FAP: variants seen among roughly 807,000 people sequenced by gnomAD.
FAP encodes the protein fibroblast activation protein alpha.
A neutral mutation model predicts 126.5 loss-of-function variants in FAP; 110 were observed. The ratio of observed to expected loss-of-function variants is 0.87; its 90% CI spans 0.74 to 1.02. The LOEUF (loss-of-function observed/expected upper bound fraction) is 1.02. Ranked by LOEUF, FAP falls within the 50% of genes least tolerant of loss-of-function variation. FAP has a pLI of 0.00. For synonymous variants in FAP, 334 were observed against 297.3 expected (o/e 1.12, Z -1.27); for missense variants, 919 against 909.2 (o/e 1.01, Z -0.14).
intron 11 of FAP, among the ~76,000 whole-genome samples, chr2:162,212,649 T>C (rs1248275066): frequency 3.9e-5 from 6 of 152,212 alleles, no homozygotes; most frequent in Non-Finnish European, 5.9e-5. Flanking sequence ...TCCTAATTTC[T>C]AGATGAAATT....
intron 22 of FAP, among the ~76,000 whole-genome samples, chr2:162,174,341 A>G (rs977510807): frequency 1.3e-5 from 2 of 151,808 alleles, no homozygotes; most frequent in East Asian, 1.9e-4. Flanking sequence ...TAAAATTATT[A>G]GAGTTATTTT....
At chr2:162,209,376 A>G (rs1357366446) in intron 12 of FAP, among the ~76,000 whole-genome samples, 1 of 152,162 alleles carries the variant, frequency 6.6e-6, no homozygotes, top group Non-Finnish European at 1.5e-5. Context: ...ATTTTACATT[A>G]AAAATCCTCA....
chr2:162,236,434 GTTTTTATGTTTTTGTTTTTTTT>G (rs1200135958), intron 2 of FAP, among the ~76,000 whole-genome samples: 1 of 149,392 alleles, frequency 6.7e-6, no homozygotes, highest in East Asian at 2.0e-4. Context: ...AGCTTAGGAA[GTTTTTATGTTTTTGTTTTTTTT>G]TTTTTGTGGG....
chr2:162,195,081 G>A (rs1319930651), intron 16 of FAP: 7 of 313,154 alleles, frequency 2.2e-5, no homozygotes, highest in Non-Finnish European at 3.0e-5. Context: ...ATGCTGTATT[G>A]GGCCAGTTTT....
chr2:162,230,574 A>G (rs1484128441), intron 2 of FAP, among the ~76,000 whole-genome samples: 1 of 151,718 alleles, frequency 6.6e-6, no homozygotes, highest in Non-Finnish European at 1.5e-5. Flanking sequence ...GCTTGTTTTG[A>G]ATAATTCCCC....
chr2:162,242,528 T>C (rs553653538), intron 2 of FAP, among the ~76,000 whole-genome samples: 2 of 152,348 alleles, frequency 1.3e-5, no homozygotes, highest in South Asian at 4.1e-4. Flanking sequence ...TTTTAACTTT[T>C]CCATTCTTAC....
At chr2:162,233,799 AAC>A (rs1178042395) in intron 2 of FAP, among the ~76,000 whole-genome samples, 1 of 152,172 alleles carries the variant, frequency 6.6e-6, no homozygotes, top group East Asian at 1.9e-4. Flanking sequence ...CTAACTCAAA[AAC>A]ATAAAAATGT....
chr2:162,178,753 A>C (rs1687577633), intron 21 of FAP, among the ~76,000 whole-genome samples: 1 of 152,202 alleles, frequency 6.6e-6, no homozygotes, highest in African/African-American at 2.4e-5. Flanking sequence ...GACTCCAAAA[A>C]ATTTTGTTGG....
chr2:162,177,087 C>T (rs962635342), intron 21 of FAP, among the ~76,000 whole-genome samples: 2 of 152,148 alleles, frequency 1.3e-5, no homozygotes, highest in Admixed American at 1.3e-4. Flanking sequence ...CCTGCCCCCC[C>T]TCCATGAGTG....
At chr2:162,188,415 A>G (rs1336846788) in intron 19 of FAP, 52 bp from the exon 20 acceptor site, 14 of 1,504,084 alleles carry the variant, frequency 9.3e-6, no homozygotes, top group African/African-American at 2.8e-5. Flanking sequence ...GTAAAACTCA[A>G]TTTCCCATCC....
rs763147481 is a variant in FAP at position 162,213,932 on chromosome 2, C to A, written c.1002+6G>T. The A allele has an allele frequency of 1.2e-6, 2 of 1,612,146 alleles. No homozygotes were observed. Among genetic ancestry groups the A allele is most frequent in the Non-Finnish European group, 1.7e-6 (2 of 1,179,046 alleles). On this transcript the variant is annotated splice_donor_region_variant and intron_variant, in intron 11 of 25. Coordinates refer to ENST00000188790, the MANE Select transcript of FAP (RefSeq NM_004460.5). ...AATACGTATCTGTGATCTTAATATA[C>A]CCTACCTTTGGACAATCCCATGTCT...
Position 162,214,092 on chromosome 2 carries a change from C to G in FAP, c.867-19G>C, listed in dbSNP as rs761182767. On this transcript the variant is annotated intron_variant, in intron 10 of 25. Transcript: ENST00000188790. Reference sequence around the variant, plus strand: ...ATAATCACTGCAAATAAAATAGAAACAGGTAGTCACAACCATAAACCAGTT... The same window carrying G: ...ATAATCACTGCAAATAAAATAGAAAGAGGTAGTCACAACCATAAACCAGTT... 2.5e-6 allele frequency: 4 copies of G among 1,611,712 alleles called. No individual in the cohort carries two copies. The highest frequency in any genetic ancestry group is 3.4e-6 in the Non-Finnish European group (4 of 1,178,890).
At chr2:162,223,507 T>A (rs1264198225) in intron 6 of FAP, 101 bp downstream of exon 6, 5 of 766,328 alleles carry the variant, frequency 6.5e-6, no homozygotes, top group South Asian at 1.6e-5. Context: ...GAAACAAAGA[T>A]CATTAAGAAG....
intron 12 of FAP, among the ~76,000 whole-genome samples, chr2:162,208,475 T>A (rs999111975): frequency 1.3e-5 from 2 of 152,220 alleles, no homozygotes; most frequent in African/African-American, 4.8e-5. Context: ...CAAGATAATG[T>A]CTTTGAAAGG....
intron 24 of FAP, 67 bp downstream of exon 24, chr2:162,173,082 A>G: frequency 7.0e-7 from 1 of 1,434,270 alleles, no homozygotes. Context: ...GAGGATGCTT[A>G]ATGTTTCTTA....
chr2:162,224,613 G>C (rs75559392), intron 4 of FAP, 73 bp from the exon 5 acceptor site: 1 of 891,864 alleles, frequency 1.1e-6, no homozygotes, highest in Non-Finnish European at 1.7e-6. Flanking sequence ...AGTTTTAAAA[G>C]AATATTATAT....
chr2:162,221,524 CA>C (rs11413930), intron 6 of FAP: 7,445 of 311,420 alleles, frequency 0.024, no homozygotes, highest in East Asian at 0.062. Context: ...GACCCTGTCT[CA>C]AAAAAAAAAA....
At chr2:162,198,060 C>T in intron 16 of FAP, 2 of 805,874 alleles carry the variant, frequency 2.5e-6, no homozygotes, top group Admixed American at 3.7e-5. Context: ...AAAGGTTGCA[C>T]ATAAAATAAA....
chr2:162,186,881 GT>G (rs1443531691), intron 20 of FAP, among the ~76,000 whole-genome samples: 1 of 151,986 alleles, frequency 6.6e-6, no homozygotes, highest in Non-Finnish European at 1.5e-5. Context: ...TCTCAGTGGG[GT>G]TTTTCTTTGA....
Sources: gnomAD v4.1 joint callset for allele counts (sites outside exome capture counted in the v4.1 genomes callset) on GRCh38, gnomAD v4.1.1 for gene constraint, MANE v1.5 for transcripts, NCBI Gene and HGNC (gene_info 2026-07-23, HGNC 2026-07-21) for gene names.